Variants in KNOP1 observed in about 807,000 individuals in gnomAD.
The protein encoded by KNOP1 is lysine rich nucleolar protein 1.
In KNOP1, 20 loss-of-function variants were observed where a neutral mutation model predicts 30.6. The ratio of observed to expected loss-of-function variants is 0.65; its 90% CI spans 0.46 to 0.95. The LOEUF is 0.95. Ranked by LOEUF, KNOP1 falls within the 40% of genes least tolerant of loss-of-function variation. The pLI, the probability that KNOP1 is intolerant of heterozygous loss-of-function variation, is 0.00. For synonymous variants in KNOP1, 204 were observed against 210.0 expected (o/e 0.97, Z 0.25); for missense variants, 540 against 562.0 (o/e 0.96, Z 0.40).
intron 3 of KNOP1, 58 bp downstream of exon 3, chr16:19,711,314 G>A: frequency 6.4e-7 from 1 of 1,556,994 alleles, no homozygotes; most frequent in South Asian, 1.1e-5. Flanking sequence ...GGCAGCAAGT[G>A]AGACTCCAAG....
At position 19,706,816 on chromosome 16, in the gene KNOP1, A is replaced by T. The variant is rs1318595544; in HGVS notation, c.*94T>A. On this transcript the variant is annotated 3_prime_UTR_variant, in exon 5 of 5. Coordinates refer to ENST00000219837, the MANE Select transcript of KNOP1 (RefSeq NM_001012991.3). The stretch of plus-strand genomic sequence containing the variant: ...CTTACTGCTCGAGGTCCTCACCAAG[A>T]TCTGATTTTTTCACAAAAAAAATTT... The T allele has an allele frequency of 7.3e-7, 1 of 1,362,502 alleles. No individual in the cohort carries two copies. Among genetic ancestry groups the T allele is most frequent in the Non-Finnish European group, 1.0e-6 (1 of 978,136 alleles). 84.4% of individuals were successfully genotyped at this position (1,362,502 alleles called of 1,614,324 possible). A position where few individuals can be genotyped will look rare whatever the true frequency, so the allele number is the denominator to read the frequency against.
At chr16:19,717,827 G>T in intron 1 of KNOP1, 1 of 1,023,978 alleles carries the variant, frequency 9.8e-7, no homozygotes, top group South Asian at 3.6e-5. Context: ...GGACTCCAAA[G>T]CCTGTGCAGC....
At chr16:19,712,400 G>A (rs879766664) in intron 2 of KNOP1, among the ~76,000 whole-genome samples, 3 of 152,162 alleles carry the variant, frequency 2.0e-5, no homozygotes, top group South Asian at 4.1e-4. Context: ...TGCAGAGCTC[G>A]GAAGAGAATC....
intron 4 of KNOP1, among the ~76,000 whole-genome samples, chr16:19,708,330 C>T (rs1976528112): frequency 6.6e-6 from 1 of 152,056 alleles, no homozygotes; most frequent in Non-Finnish European, 1.5e-5. Flanking sequence ...AGACCCCCTT[C>T]TCCCAGGTCG....
At position 19,714,377 on chromosome 16, in the gene KNOP1, T is replaced by G. The variant is rs753803591; in HGVS notation, c.659A>C (p.Gln220Pro). ...GTGGCCTGGGAGGGCATCTCCCTCC[T>G]GGTGGATTTTTTTTTTCTTCTTCAC... ...GKVKKKKKIH[Q>P]EGDALPGHSK... is the part of the protein sequence containing the mutation. Residue 220 changes from glutamine to proline, a missense_variant, in exon 2 of 5, where the codon CAG becomes CCG. Gln to Pro is a moderately conservative substitution (Grantham distance 76). Transcript: ENST00000219837. 1 of 1,613,986 alleles carries G rather than the reference T, an allele frequency of 6.2e-7. No individual in the cohort carries two copies. The highest frequency in any genetic ancestry group is 1.7e-5 in the Admixed American group (1 of 60,004).
intron 4 of KNOP1, among the ~76,000 whole-genome samples, chr16:19,707,521 T>G (rs1312807713): frequency 6.6e-6 from 1 of 151,924 alleles, no homozygotes; most frequent in Non-Finnish European, 1.5e-5. Flanking sequence ...ACTGCCCACC[T>G]CTGCACAGAG....
chr16:19,710,903 C>T (rs1976679489), intron 3 of KNOP1, among the ~76,000 whole-genome samples: 2 of 128,176 alleles, frequency 1.6e-5, no homozygotes, highest in South Asian at 2.4e-4. Context: ...CAGAGTGAGA[C>T]TCCGTCTCAA....
chr16:19,708,120 T>C (rs73541427), intron 4 of KNOP1, among the ~76,000 whole-genome samples: 2,310 of 150,812 alleles, frequency 0.015, 60 homozygotes, highest in African/African-American at 0.053. Context: ...TTTGGGTGAA[T>C]TGGAGGGTGG....
At chr16:19,710,071 C>A (rs1476162241) in intron 4 of KNOP1, among the ~76,000 whole-genome samples, 2 of 152,104 alleles carry the variant, frequency 1.3e-5, no homozygotes, top group Non-Finnish European at 2.9e-5. Context: ...CTTCTCAGGC[C>A]CGGCTTGGAC....
Position 19,714,550 on chromosome 16 carries a change from T to C in KNOP1, c.486A>G (p.Thr162=). ...KKEKKGAQDP[T]AFSVQDPWFC... ...ACCAAGGGTCCTGGACCGAGAAGGCTGTGGGGTCCTGGGCCCCCTTTTTTT... is the reference window on the plus strand; with the variant it reads ...ACCAAGGGTCCTGGACCGAGAAGGCCGTGGGGTCCTGGGCCCCCTTTTTTT... Residue 162 remains threonine, a synonymous_variant, in exon 2 of 5, where the codon ACA becomes ACG. Coordinates refer to ENST00000219837, the MANE Select transcript of KNOP1 (RefSeq NM_001012991.3). The C allele has an allele frequency of 6.2e-7, 1 of 1,614,198 alleles. No individual in the cohort carries two copies. The highest frequency in any genetic ancestry group is 8.5e-7 in the Non-Finnish European group (1 of 1,180,032).
chr16:19,707,853 G>T (rs1415870157), intron 4 of KNOP1, among the ~76,000 whole-genome samples: 4 of 46,242 alleles, frequency 8.7e-5, no homozygotes, highest in African/African-American at 5.0e-4. Context: ...ACGCTACACA[G>T]TGCACTCCCC....
chr16:19,717,725 C>T (rs1214751359), intron 1 of KNOP1: 1 of 987,574 alleles, frequency 1.0e-6, no homozygotes, highest in African/African-American at 1.7e-5. Flanking sequence ...TTGTGAATAC[C>T]CGACCTCGCA....
At chr16:19,709,815 T>C (rs982740534) in intron 4 of KNOP1, among the ~76,000 whole-genome samples, 1 of 152,194 alleles carries the variant, frequency 6.6e-6, no homozygotes, top group African/African-American at 2.4e-5. Context: ...GTTCTGTTTC[T>C]TTCTCCTGAC....
intron 2 of KNOP1, chr16:19,711,715 T>C (rs1201133365): frequency 2.2e-6 from 1 of 462,346 alleles, no homozygotes; most frequent in Non-Finnish European, 4.0e-6. Flanking sequence ...ACCCCACGGC[T>C]CAGGGACTGG....
At chr16:19,710,186 G>A (rs892337055) in intron 4 of KNOP1, 10 of 398,396 alleles carry the variant, frequency 2.5e-5, no homozygotes, top group South Asian at 1.1e-4. Flanking sequence ...CAAAGGCATC[G>A]TCCACCACTG....
Position 19,711,436 on chromosome 16 carries a change from G to C in KNOP1, c.923C>G (p.Thr308Arg), listed in dbSNP as rs371813343. The change falls in exon 3 of 5, where the codon ACA (threonine) becomes AGA (arginine). Residue 308 changes from threonine (T) to arginine (R), a missense_variant. By Grantham distance (71) the Thr-to-Arg change is moderately conservative. Transcript: ENST00000219837. ...GVAGDPWKEE[T>R]DTDLEVVLEK... ...CAACACCACCTCTAAGTCCGTGTCT[G>C]TTTCCTGCAGGAGAGGGCAGAGCTG... is the stretch of plus-strand genomic sequence containing the variant. The C allele has an allele frequency of 3.1e-5, 50 of 1,614,148 alleles. No individual in the cohort carries two copies. In the African/African-American group the frequency reaches 6.4e-4, roughly 21 times the overall value.
At position 19,705,671 on chromosome 16, in the gene KNOP1, G is replaced by A. The variant is rs1976326140; in HGVS notation, c.*1239C>T. The stretch of plus-strand genomic sequence containing the variant: ...CTCTTGGGGGCTGAGGCAGGAGCAT[G>A]AGTTGAGTCCAGGAGTTTGGGACTA... On this transcript the variant is annotated 3_prime_UTR_variant, in exon 5 of 5. Transcript: ENST00000219837. The A allele has an allele frequency of 4.9e-6, 1 of 204,768 alleles. No homozygotes were observed. Among genetic ancestry groups the A allele is most frequent in the South Asian group, 8.7e-5 (1 of 11,446 alleles). 12.7% of individuals were successfully genotyped at this position (204,768 alleles called of 1,614,324 possible). A position where few individuals can be genotyped will look rare whatever the true frequency, so the allele number is the denominator to read the frequency against.
chr16:19,714,747 G>T lies in KNOP1; in HGVS notation c.289C>A (p.Pro97Thr), dbSNP rs1339059553. The change falls in exon 2 of 5, where the codon CCC becomes ACC. Residue 97 changes from proline to threonine, a missense_variant. Pro to Thr is a conservative substitution (Grantham distance 38). Coordinates refer to ENST00000219837, the MANE Select transcript of KNOP1 (RefSeq NM_001012991.3). ...CCAAACACCTGCTTCCTGAGGCTGG[G>T]TGACTTCTCTGTCCGTCTAGCAGGC... is the stretch of plus-strand genomic sequence containing the variant. ...TLPARRTEKS[P>T]SLRKQVFGHL... 1.2e-6 allele frequency: 2 copies of T among 1,614,130 alleles called. No individual in the cohort carries two copies. The highest frequency in any genetic ancestry group is 2.7e-5 in the African/African-American group (2 of 75,004).
In KNOP1 at chr16:19,702,466, A is replaced by C. The variant is rs1273012749; in HGVS notation, c.*4444T>G. 2 of 152,138 alleles carry C rather than the reference A, an allele frequency of 1.3e-5. No individual in the cohort carries two copies. The highest frequency in any genetic ancestry group is 2.9e-5 in the Non-Finnish European group (2 of 68,044). 9.4% of individuals were successfully genotyped at this position (152,138 alleles called of 1,614,324 possible). A position where few individuals can be genotyped will look rare whatever the true frequency, so the allele number is the denominator to read the frequency against. On this transcript the variant is annotated 3_prime_UTR_variant, in exon 5 of 5. Coordinates refer to ENST00000219837, the MANE Select transcript of KNOP1 (RefSeq NM_001012991.3). Reference sequence around the variant, plus strand: ...TGAATTCTTACCGCTCTCACATTACACCTGAACTTGGACTTTCACATGAGG... The same window carrying C: ...TGAATTCTTACCGCTCTCACATTACCCCTGAACTTGGACTTTCACATGAGG...
Sources: allele counts gnomAD v4.1 joint callset (sites outside exome capture counted in the v4.1 genomes callset), GRCh38; gene constraint gnomAD v4.1.1; transcripts MANE v1.5; gene names NCBI Gene and HGNC (gene_info 2026-07-23, HGNC 2026-07-21).